EPHA6: variants seen among roughly 807,000 people sequenced by gnomAD.
EPHA6 encodes EPH receptor A6.
Under a neutral mutation model 112.0 loss-of-function variants are expected in EPHA6, and 50 were observed. The ratio of observed to expected loss-of-function variants is 0.45; its 90% CI spans 0.36 to 0.56. The LOEUF (loss-of-function observed/expected upper bound fraction) is 0.56. Ranked by LOEUF, EPHA6 falls within the 20% of genes least tolerant of loss-of-function variation. EPHA6 has a pLI of 0.00. For synonymous variants in EPHA6, 529 were observed against 490.7 expected, an observed-to-expected ratio of 1.08 and a Z score of -1.03; for missense variants, 1,280 against 1,417.4, an observed-to-expected ratio of 0.90 and a Z score of 1.56.
At chr3:97,633,292 A>G (rs1305646995) in intron 13 of EPHA6, among the ~76,000 whole-genome samples, 2 of 152,042 alleles carry the variant, frequency 1.3e-5, no homozygotes, top group African/African-American at 2.4e-5. Context: ...GAGAGCAAAA[A>G]AAAAGAGGGA....
intron 11 of EPHA6, among the ~76,000 whole-genome samples, chr3:97,539,402 C>T (rs972757851): frequency 2.0e-5 from 3 of 152,214 alleles, no homozygotes; most frequent in Non-Finnish European, 4.4e-5. Context: ...CCTGTCTTGG[C>T]CACGGGAAGT....
chr3:97,660,006 T>C (rs1284060861), intron 14 of EPHA6, among the ~76,000 whole-genome samples: 1 of 152,042 alleles, frequency 6.6e-6, no homozygotes, highest in African/African-American at 2.4e-5. Context: ...GTTCTTATTC[T>C]GAAATAGAGA....
rs71623564 is a variant in EPHA6 at position 96,994,732 on chromosome 3, TAG to T, written c.1114+6768_1114+6769del. Among the ~76,000 whole-genome samples the T allele has an allele frequency of 8.9e-3, 733 of 82,144 alleles. 2 individuals are homozygous for T. The highest frequency in any genetic ancestry group is 0.029 in the East Asian group (92 of 3,120). 53.9% of individuals were successfully genotyped at this position (82,144 alleles called of 152,430 possible). A position where few individuals can be genotyped will look rare whatever the true frequency, so the allele number is the denominator to read the frequency against. On this transcript the variant is annotated intron_variant, in intron 3 of 17. Transcript: ENST00000389672. Reference sequence around the variant, plus strand: ...GTGTATATATATATATATATATATATAGAGAGAGAGAGAGAGAGAGAGAGAGA... The same window carrying T: ...GTGTATATATATATATATATATATATAGAGAGAGAGAGAGAGAGAGAGAGA...
chr3:97,677,721 TAAA>T (rs34686159), intron 14 of EPHA6, among the ~76,000 whole-genome samples: 6 of 92,784 alleles, frequency 6.5e-5, no homozygotes, highest in African/African-American at 1.3e-4. Context: ...AACTCCATCT[TAAA>T]AAAAAAAAAA....
chr3:97,211,087 T>A (rs1052856754), intron 3 of EPHA6, among the ~76,000 whole-genome samples: 5 of 152,198 alleles, frequency 3.3e-5, no homozygotes, highest in African/African-American at 1.2e-4. Flanking sequence ...TAGGAAATCA[T>A]ATAAAGTCAC....
intron 5 of EPHA6, among the ~76,000 whole-genome samples, chr3:97,324,157 T>C (rs115017392): frequency 0.019 from 2,897 of 152,144 alleles, 43 homozygotes; most frequent in Middle Eastern, 0.037. Context: ...CCTTTTATGC[T>C]TATGTAGATT....
At chr3:97,562,367 G>A (rs2093203981) in intron 11 of EPHA6, among the ~76,000 whole-genome samples, 1 of 152,134 alleles carries the variant, frequency 6.6e-6, no homozygotes, top group South Asian at 2.1e-4. Context: ...ACAGGAGTTT[G>A]GAAGAAGTTA....
At chr3:97,557,532 TGTTCCCGA>T (rs1560135311) in intron 11 of EPHA6, among the ~76,000 whole-genome samples, 2 of 151,976 alleles carry the variant, frequency 1.3e-5, no homozygotes, top group African/African-American at 4.8e-5. Flanking sequence ...TTATCTTATA[TGTTCCCGA>T]TATATGTCTA....
intron 11 of EPHA6, among the ~76,000 whole-genome samples, chr3:97,535,272 T>G (rs1252769994): frequency 6.6e-6 from 1 of 152,024 alleles, no homozygotes; most frequent in Non-Finnish European, 1.5e-5. Flanking sequence ...TTAGCCACAT[T>G]TATATGATTT....
At chr3:96,899,306 G>T (rs2038471663) in intron 2 of EPHA6, among the ~76,000 whole-genome samples, 1 of 152,036 alleles carries the variant, frequency 6.6e-6, no homozygotes, top group East Asian at 1.9e-4. Context: ...TTCTTATAAG[G>T]ACATCAGTCA....
At position 97,339,364 on chromosome 3, in the gene EPHA6, C is replaced by T. The variant is rs1467645310; in HGVS notation, c.1607-65786C>T. ...GCATCATCCTGGTCTTCACTCTGAT[C>T]CCTTAGGCTTGTGTCTCTTCATCAC... is the stretch of plus-strand genomic sequence containing the variant. On this transcript the variant is annotated intron_variant, in intron 5 of 17. Coordinates refer to ENST00000389672, the MANE Select transcript of EPHA6 (RefSeq NM_001080448.3). 2.0e-5 allele frequency among the ~76,000 whole-genome samples: 3 copies of T among 152,182 alleles called. 1 individual carries two copies. The East Asian group carries it at 5.8e-4, about 29-fold the overall frequency.
At chr3:97,593,844 G>A (rs2093565241) in intron 12 of EPHA6, among the ~76,000 whole-genome samples, 1 of 152,128 alleles carries the variant, frequency 6.6e-6, no homozygotes, top group South Asian at 2.1e-4. Context: ...TTGTGGCCAA[G>A]AATACCACTG....
intron 3 of EPHA6, among the ~76,000 whole-genome samples, chr3:97,201,722 G>A (rs1320899051): frequency 1.3e-5 from 2 of 152,066 alleles, no homozygotes; most frequent in East Asian, 3.9e-4. Flanking sequence ...ATACTGCACT[G>A]CCTTAGTGTT....
At chr3:96,847,028 A>G (rs1043478553) in intron 1 of EPHA6, among the ~76,000 whole-genome samples, 19 of 151,986 alleles carry the variant, frequency 1.3e-4, no homozygotes, top group African/African-American at 4.6e-4. Flanking sequence ...GTTGAGCTCT[A>G]TTAGGGTGGA....
chr3:96,967,867 A>G (rs1414339914), intron 2 of EPHA6, among the ~76,000 whole-genome samples: 1 of 151,846 alleles, frequency 6.6e-6, no homozygotes. Context: ...TAACATGTAG[A>G]CGGCAGTTGG....
intron 12 of EPHA6, chr3:97,606,311 T>A (rs532812791): frequency 6.6e-6 from 1 of 151,244 alleles, no homozygotes; most frequent in Non-Finnish European, 1.5e-5. Flanking sequence ...TTTTCAAGAG[T>A]TAGCTTACAA....
chr3:97,401,576 T>C (rs2086993732), intron 5 of EPHA6, among the ~76,000 whole-genome samples: 1 of 151,724 alleles, frequency 6.6e-6, no homozygotes, highest in South Asian at 2.1e-4. Flanking sequence ...TCTCTTTTTC[T>C]TAGTCTAGTT....
At chr3:97,033,073 A>G (rs1211100169) in intron 3 of EPHA6, among the ~76,000 whole-genome samples, 1 of 151,914 alleles carries the variant, frequency 6.6e-6, no homozygotes, top group Non-Finnish European at 1.5e-5. Flanking sequence ...AAGAAAAAAA[A>G]AAGGAAGTAT....
intron 3 of EPHA6, among the ~76,000 whole-genome samples, chr3:97,024,319 AT>A (rs2044562448): frequency 6.6e-6 from 1 of 152,284 alleles, no homozygotes; most frequent in East Asian, 1.9e-4. Context: ...AGGTGGTAAG[AT>A]ATGATTAATA....
Sources: gnomAD v4.1 joint callset for allele counts (sites outside exome capture counted in the v4.1 genomes callset) on GRCh38, gnomAD v4.1.1 for gene constraint, MANE v1.5 for transcripts, NCBI Gene and HGNC (gene_info 2026-07-23, HGNC 2026-07-21) for gene names.